Variants in SIPA1L2 observed in about 807,000 individuals in gnomAD.
SIPA1L2 encodes the protein signal induced proliferation associated 1 like 2.
A neutral mutation model predicts 163.9 loss-of-function variants in SIPA1L2; 56 were observed. The ratio of observed to expected loss-of-function variants is 0.34; its 90% CI spans 0.28 to 0.43. The LOEUF is 0.43. SIPA1L2 is among the 20% of genes least tolerant of loss of function. The pLI is 1.00. For missense variants in SIPA1L2, 1,974 were observed against 2,193.5 expected, an observed-to-expected ratio of 0.90 and a Z score of 2.00; for synonymous variants, 877 against 865.7, an observed-to-expected ratio of 1.01 and a Z score of -0.23.
At chr1:232,419,652 A>G (rs1661454209) in intron 18 of SIPA1L2, among the ~76,000 whole-genome samples, 1 of 152,126 alleles carries the variant, frequency 6.6e-6, no homozygotes, top group African/African-American at 2.4e-5. Flanking sequence ...ACCTTCCACC[A>G]TGACTGTAAG....
rs113942662 is a variant in SIPA1L2 at position 232,509,930 on chromosome 1, G to C, written c.1483+3927C>G. 5.2e-3 allele frequency among the ~76,000 whole-genome samples: 795 copies of C among 152,260 alleles called. 8 individuals carry two copies. The highest frequency in any genetic ancestry group is 0.018 in the African/African-American group (751 of 41,550). On this transcript the variant is annotated intron_variant, in intron 3 of 22. Coordinates refer to ENST00000674635, the MANE Select transcript of SIPA1L2 (RefSeq NM_020808.5). ...GGTGGCCGCTCCTTCCCCAGCCCGA[G>C]CCCATCTGCAGGCACAACAGCACCT...
intron 2 of SIPA1L2, among the ~76,000 whole-genome samples, chr1:232,541,247 T>TAACATTAACA (rs552074001): frequency 6.9e-6 from 1 of 144,672 alleles, no homozygotes; most frequent in East Asian, 2.0e-4. Flanking sequence ...TAACATAACA[T>TAACATTAACA]TAACATAACA....
intron 9 of SIPA1L2, among the ~76,000 whole-genome samples, chr1:232,464,001 T>C (rs923265674): frequency 1.3e-5 from 2 of 152,128 alleles, no homozygotes; most frequent in African/African-American, 4.8e-5. Context: ...ATGGATATAA[T>C]TTCTCCTTTT....
intron 3 of SIPA1L2, among the ~76,000 whole-genome samples, chr1:232,507,410 G>C (rs959397186): frequency 1.3e-5 from 2 of 152,172 alleles, no homozygotes; most frequent in Admixed American, 1.3e-4. Flanking sequence ...TAGGGAGGTA[G>C]TGTTTGCCAG....
intron 1 of SIPA1L2, among the ~76,000 whole-genome samples, chr1:232,601,103 C>A (rs1296740865): frequency 1.3e-5 from 2 of 152,132 alleles, no homozygotes; most frequent in African/African-American, 4.8e-5. Context: ...GGAGGATATG[C>A]CAAGTTAGAC....
chr1:232,547,920 C>T (rs905546648), intron 2 of SIPA1L2, among the ~76,000 whole-genome samples: 4 of 152,180 alleles, frequency 2.6e-5, no homozygotes, highest in African/African-American at 9.6e-5. Context: ...GTGCAAGAGA[C>T]TGTTCTCAGT....
intron 2 of SIPA1L2, among the ~76,000 whole-genome samples, chr1:232,560,386 C>T (rs1011462003): frequency 2.0e-5 from 3 of 152,188 alleles, no homozygotes; most frequent in Admixed American, 6.5e-5. Flanking sequence ...GTTGCTCATA[C>T]GCTGCACTGG....
At chr1:232,423,017 C>T (rs1043475165) in intron 18 of SIPA1L2, among the ~76,000 whole-genome samples, 6 of 152,116 alleles carry the variant, frequency 3.9e-5, no homozygotes, top group Non-Finnish European at 5.9e-5. Context: ...GAATTTTGAA[C>T]TTTTCCCTGG....
chr1:232,460,417 T>C (rs555678650), intron 10 of SIPA1L2, among the ~76,000 whole-genome samples: 1 of 152,336 alleles, frequency 6.6e-6, no homozygotes, highest in African/African-American at 2.4e-5. Flanking sequence ...AGAGTACCTG[T>C]GCTGTTCCAA....
chr1:232,466,723 G>C (rs944120153), intron 8 of SIPA1L2, among the ~76,000 whole-genome samples: 6 of 152,084 alleles, frequency 3.9e-5, no homozygotes, highest in African/African-American at 4.8e-5. Context: ...CCTCGGAGGC[G>C]GAGCTTGCAG....
At chr1:232,552,732 T>C (rs34338811) in intron 2 of SIPA1L2, among the ~76,000 whole-genome samples, 6,482 of 152,188 alleles carry the variant, frequency 0.043, 199 homozygotes, top group African/African-American at 0.088. Context: ...AAATATAGTA[T>C]AAGAGAAAGA....
chr1:232,401,399 C>G (rs1176948455), intron 22 of SIPA1L2, among the ~76,000 whole-genome samples: 2 of 152,140 alleles, frequency 1.3e-5, no homozygotes, highest in African/African-American at 2.4e-5. Flanking sequence ...TTTTTTTGGG[C>G]AAGTCTCCTA....
At chr1:232,572,848 G>A (rs1042470271) in intron 2 of SIPA1L2, among the ~76,000 whole-genome samples, 18 of 149,468 alleles carry the variant, frequency 1.2e-4, no homozygotes, top group African/African-American at 3.7e-4. Flanking sequence ...GCGCAATCTC[G>A]GCTCACCGCA....
intron 2 of SIPA1L2, among the ~76,000 whole-genome samples, chr1:232,546,419 T>C (rs79425505): frequency 0.027 from 4,147 of 152,304 alleles, 76 homozygotes; most frequent in Non-Finnish European, 0.042. Flanking sequence ...GTCAATACAC[T>C]TTACGAACCT....
intron 21 of SIPA1L2, 122 bp downstream of exon 21, chr1:232,403,326 G>T: frequency 1.5e-6 from 2 of 1,295,198 alleles, no homozygotes; most frequent in South Asian, 1.4e-5. Context: ...GGATTCTTCA[G>T]GACTGGGAAA....
rs1331980196 is a variant in SIPA1L2 at position 232,483,919 on chromosome 1, C to T, written c.1854G>A (p.Gln618=). The change falls in exon 6 of 23, where the codon CAG becomes CAA. Residue 618 remains glutamine, a synonymous_variant. Transcript: ENST00000674635. ...KIGILYCKAG[Q]STEEEMYNNE... is the part of the protein sequence containing the mutation. ...TGTTATACATCTCTTCCTCTGTGCTCTGGCCTGCTTTGCAATAAAGGATCC... is the reference window on the plus strand; with the variant it reads ...TGTTATACATCTCTTCCTCTGTGCTTTGGCCTGCTTTGCAATAAAGGATCC... The T allele has an allele frequency of 2.5e-6, 4 of 1,613,870 alleles. No individual in the cohort carries two copies. Among genetic ancestry groups the T allele is most frequent in the Non-Finnish European group, 2.5e-6 (3 of 1,179,964 alleles).
At chr1:232,498,912 A>G (rs1236656124) in intron 3 of SIPA1L2, among the ~76,000 whole-genome samples, 1 of 152,222 alleles carries the variant, frequency 6.6e-6, no homozygotes, top group African/African-American at 2.4e-5. Flanking sequence ...TCTGGAGTCC[A>G]TTATTTAGCC....
At chr1:232,410,639 T>G (rs1261227353) in intron 19 of SIPA1L2, among the ~76,000 whole-genome samples, 1 of 152,140 alleles carries the variant, frequency 6.6e-6, no homozygotes, top group East Asian at 1.9e-4. Context: ...ATATATTTGG[T>G]ATTTGGGGAT....
chr1:232,505,572 G>C (rs929841967), intron 3 of SIPA1L2, among the ~76,000 whole-genome samples: 5 of 152,282 alleles, frequency 3.3e-5, no homozygotes, highest in African/African-American at 9.6e-5. Flanking sequence ...GCCCTTTGTG[G>C]GTTCCTGCAA....
Sources: gnomAD v4.1 joint callset for allele counts (sites outside exome capture counted in the v4.1 genomes callset) on GRCh38, gnomAD v4.1.1 for gene constraint, MANE v1.5 for transcripts, NCBI Gene and HGNC (gene_info 2026-07-23, HGNC 2026-07-21) for gene names.